CTTNBP2: variants seen among roughly 807,000 people sequenced by gnomAD.
CTTNBP2 encodes the protein cortactin-binding protein 2.
CTTNBP2 carries 108 observed loss-of-function variants against 156.9 expected under a neutral mutation model. That is an observed-to-expected ratio of 0.69 (90% CI 0.59 to 0.81). CTTNBP2 has a LOEUF of 0.81. Among genes scored for constraint, CTTNBP2 ranks in the 30% least tolerant of loss-of-function variants. CTTNBP2 has a pLI of 0.00. For missense variants in CTTNBP2, 1,924 were observed against 2,035.4 expected, an observed-to-expected ratio of 0.95 and a Z score of 1.05; for synonymous variants, 767 against 751.8, an observed-to-expected ratio of 1.02 and a Z score of -0.33.
chr7:117,755,591 A>G (rs1345278091), intron 12 of CTTNBP2: 1 of 467,656 alleles, frequency 2.1e-6, no homozygotes, highest in Non-Finnish European at 4.4e-6. Flanking sequence ...AATGGATGAA[A>G]TTATCTCATA....
chr7:117,869,912 A>C lies in CTTNBP2; in HGVS notation c.81+3423T>G, dbSNP rs144356823. On this transcript the variant is annotated intron_variant, in intron 1 of 22. Transcript: ENST00000160373. ...TATTTTTCTGAACCATATAGCTGAG[A>C]CCAGAATGGGAACCTCTATGCTCAT... is the stretch of plus-strand genomic sequence containing the variant. 4.1e-4 allele frequency among the ~76,000 whole-genome samples: 62 copies of C among 152,304 alleles called. 2 individuals carry two copies. In the East Asian group the frequency reaches 5.2e-3, roughly 13 times the overall value.
At chr7:117,715,393 GGATGCATGTAAGAATC>G (rs1214871062) in intron 22 of CTTNBP2, among the ~76,000 whole-genome samples, 1 of 150,374 alleles carries the variant, frequency 6.7e-6, no homozygotes, top group Non-Finnish European at 1.5e-5. Context: ...TCTCAACCCT[GGATGCATGTAAGAATC>G]ACCAGGGACC....
At chr7:117,731,816 G>A (rs908970526) in intron 16 of CTTNBP2, among the ~76,000 whole-genome samples, 5 of 152,128 alleles carry the variant, frequency 3.3e-5, no homozygotes, top group African/African-American at 1.2e-4. Context: ...AGTGTCAGAT[G>A]GACTGCATTA....
At chr7:117,806,602 A>G (rs190656725) in intron 3 of CTTNBP2, among the ~76,000 whole-genome samples, 1 of 152,176 alleles carries the variant, frequency 6.6e-6, no homozygotes. Context: ...TTTAATTTCA[A>G]AGGGGCTGTG....
Position 117,734,974 on chromosome 7 carries a change from C to G in CTTNBP2, c.3815G>C (p.Trp1272Ser). ...QQHFRWVQLR[W>S]DGEPMQGLLQ... ...CAGTCCTTGCATGGGCTCGCCATCC[C>G]ACCGCAGCTGCACCCAGCGGAAATG... Residue 1272 changes from tryptophan (W) to serine (S), a missense_variant, in exon 16 of 23, where the codon TGG (tryptophan) becomes TCG (serine). By Grantham distance (177) the Trp-to-Ser change is radical. Transcript: ENST00000160373. The G allele has an allele frequency of 6.2e-7, 1 of 1,613,834 alleles. No individual in the cohort carries two copies. Among genetic ancestry groups the G allele is most frequent in the Non-Finnish European group, 8.5e-7 (1 of 1,179,704 alleles).
chr7:117,771,421 C>A (rs1797791424), intron 8 of CTTNBP2, among the ~76,000 whole-genome samples: 1 of 152,124 alleles, frequency 6.6e-6, no homozygotes, highest in African/African-American at 2.4e-5. Context: ...AAGCTGTTAA[C>A]GTGGGAAATA....
At chr7:117,796,483 G>A (rs1423050183) in intron 3 of CTTNBP2, among the ~76,000 whole-genome samples, 5 of 152,104 alleles carry the variant, frequency 3.3e-5, no homozygotes, top group Non-Finnish European at 7.4e-5. Context: ...CAAATTATGT[G>A]TACTTAAGAG....
intron 3 of CTTNBP2, among the ~76,000 whole-genome samples, chr7:117,803,996 G>A (rs78800160): frequency 6.6e-6 from 1 of 151,964 alleles, no homozygotes; most frequent in African/African-American, 2.4e-5. Context: ...ATAGGGTCTC[G>A]CTGTTGCCCA....
At chr7:117,723,452 A>C (rs1484953623) in intron 19 of CTTNBP2, among the ~76,000 whole-genome samples, 1 of 152,218 alleles carries the variant, frequency 6.6e-6, no homozygotes, top group Non-Finnish European at 1.5e-5. Context: ...AATTTCACAA[A>C]ACAAATACTT....
intron 2 of CTTNBP2, among the ~76,000 whole-genome samples, chr7:117,846,242 C>T (rs1448934383): frequency 1.3e-5 from 2 of 152,012 alleles, no homozygotes; most frequent in African/African-American, 2.4e-5. Flanking sequence ...TTTGATTCTT[C>T]GACCATGTGA....
chr7:117,783,356 C>T (rs1278776325), intron 5 of CTTNBP2, among the ~76,000 whole-genome samples: 1 of 152,096 alleles, frequency 6.6e-6, no homozygotes, highest in South Asian at 2.1e-4. Flanking sequence ...AACGGAAATA[C>T]CATTCTTTGT....
chr7:117,836,534 G>T (rs1319515247), intron 2 of CTTNBP2, among the ~76,000 whole-genome samples: 1 of 152,194 alleles, frequency 6.6e-6, no homozygotes. Flanking sequence ...CTGCACTCCA[G>T]CCTGGGCGAC....
intron 1 of CTTNBP2, among the ~76,000 whole-genome samples, chr7:117,868,125 C>T (rs1304704500): frequency 6.6e-6 from 1 of 152,210 alleles, no homozygotes; most frequent in Non-Finnish European, 1.5e-5. Context: ...CACCCTAACT[C>T]AGTTTTTCGA....
intron 8 of CTTNBP2, among the ~76,000 whole-genome samples, chr7:117,768,565 C>CAAAAA (rs747773487): frequency 1.0e-3 from 58 of 55,526 alleles, no homozygotes; most frequent in African/African-American, 3.1e-3. Context: ...GACTCTGTCT[C>CAAAAA]AAAAAAAAAA....
At chr7:117,869,320 C>A (rs563702670) in intron 1 of CTTNBP2, among the ~76,000 whole-genome samples, 18 of 152,272 alleles carry the variant, frequency 1.2e-4, no homozygotes, top group African/African-American at 4.1e-4. Context: ...TAGCTGGTAA[C>A]ACACAAAGTG....
At chr7:117,829,117 C>T (rs1051557938) in intron 2 of CTTNBP2, among the ~76,000 whole-genome samples, 2 of 152,212 alleles carry the variant, frequency 1.3e-5, no homozygotes, top group African/African-American at 4.8e-5. Context: ...GGAGCACAAG[C>T]CTGCAGGCCT....
chr7:117,726,535 T>G (rs1386585939), intron 17 of CTTNBP2, among the ~76,000 whole-genome samples: 1 of 152,242 alleles, frequency 6.6e-6, no homozygotes, highest in Non-Finnish European at 1.5e-5. Context: ...GACAATTCTC[T>G]GCAGCATTTC....
chr7:117,820,167 C>CA (rs770116442), intron 2 of CTTNBP2, among the ~76,000 whole-genome samples: 4 of 152,336 alleles, frequency 2.6e-5, no homozygotes, highest in Middle Eastern at 3.4e-3. Context: ...GAATGGTATA[C>CA]AAGTGCTGCA....
chr7:117,777,457 T>G, intron 8 of CTTNBP2, 54 bp downstream of exon 8: 1 of 1,572,288 alleles, frequency 6.4e-7, no homozygotes, highest in South Asian at 1.2e-5. Flanking sequence ...GCAGACAACT[T>G]TGCTGCTCAT....
Sources: gnomAD v4.1 joint callset for allele counts (sites outside exome capture counted in the v4.1 genomes callset) on GRCh38, gnomAD v4.1.1 for gene constraint, MANE v1.5 for transcripts, NCBI Gene and HGNC (gene_info 2026-07-23, HGNC 2026-07-21) for gene names.